The following BPI variants were observed in gnomAD, a reference collection of about 807,000 sequenced individuals.
BPI encodes bactericidal permeability-increasing protein.
BPI carries 48 observed loss-of-function variants against 57.6 expected under a neutral mutation model. The observed-to-expected ratio is 0.83, with a 90% CI of 0.66 to 1.06. The LOEUF (loss-of-function observed/expected upper bound fraction) is 1.06, where lower values mean the gene tolerates loss of function less well. Among genes scored for constraint, BPI ranks in the 50% least tolerant of loss-of-function variants. The pLI is 0.00. For synonymous variants in BPI, 237 were observed against 238.2 expected (o/e 0.99, Z 0.05); for missense variants, 651 against 609.7 (o/e 1.07, Z -0.71).
chr20:38,327,637 G>C lies in BPI; in HGVS notation c.1211G>C (p.Gly404Ala). 1 of 1,613,714 alleles carries C rather than the reference G, an allele frequency of 6.2e-7. No individual in the cohort carries two copies. The highest frequency in any genetic ancestry group is 8.5e-7 in the Non-Finnish European group (1 of 1,179,752). Residue 404 changes from glycine to alanine, a missense_variant, in exon 11 of 15, where the codon GGA (glycine) becomes GCA (alanine). Coordinates refer to ENST00000642449, the MANE Select transcript of BPI (RefSeq NM_001725.3). ...AGCGCCGAGTCCAACAGGCTTGTTG[G>C]AGAGCTCAAGCTGGATAGGTAAGTG... is the stretch of plus-strand genomic sequence containing the variant. ...EVSAESNRLV[G>A]ELKLDRLLLE...
At chr20:38,328,766 G>C (rs1209990246) in intron 11 of BPI, among the ~76,000 whole-genome samples, 1 of 152,076 alleles carries the variant, frequency 6.6e-6, no homozygotes, top group African/African-American at 2.4e-5. Context: ...GGAGGCCATG[G>C]TGGGAGGATC....
Position 38,324,009 on chromosome 20 carries a change from A to G in BPI, c.896A>G (p.Glu299Gly). The change falls in exon 8 of 15, where the codon GAG (glutamate) becomes GGG (glycine). Residue 299 changes from glutamate to glycine, a missense_variant. Coordinates refer to ENST00000642449, the MANE Select transcript of BPI (RefSeq NM_001725.3). Reference protein sequence around the residue: ...FFNTAGLVYQEAGVLKMTLRD... With the variant: ...FFNTAGLVYQGAGVLKMTLRD... ...AACACAGCCGGGCTTGTATACCAAG[A>G]GGCTGGGGTCTTGAAGATGACCCTT... 1 of 1,614,110 alleles carries G rather than the reference A, an allele frequency of 6.2e-7. No homozygotes were observed. Among genetic ancestry groups the G allele is most frequent in the Non-Finnish European group, 8.5e-7 (1 of 1,180,030 alleles).
At chr20:38,309,268 G>A (rs2076611001) in intron 3 of BPI, among the ~76,000 whole-genome samples, 1 of 152,200 alleles carries the variant, frequency 6.6e-6, no homozygotes, top group Non-Finnish European at 1.5e-5. Context: ...GCAGGATACT[G>A]GCGAGGCTGA....
rs1281070440 is a variant in BPI at position 38,309,050 on chromosome 20, G to C, written c.366G>C (p.Lys122Asn). Residue 122 changes from lysine to asparagine, a missense_variant, in exon 3 of 15, where the codon AAG becomes AAC. Coordinates refer to ENST00000642449, the MANE Select transcript of BPI (RefSeq NM_001725.3). ...TCAGCGGGAAATGGAAGGCACAAAA[G>C]AGATTCTTGTGCGTTTCCATGCTTG... is the stretch of plus-strand genomic sequence containing the variant. The part of the protein sequence containing the change: ...IKISGKWKAQ[K>N]RFLKMSGNFD... 6.2e-7 allele frequency: 1 copy of C among 1,614,066 alleles called. No individual in the cohort carries two copies. The highest frequency in any genetic ancestry group is 8.5e-7 in the Non-Finnish European group (1 of 1,180,012).
chr20:38,330,331 A>G (rs764225377), intron 11 of BPI, among the ~76,000 whole-genome samples: 10 of 152,130 alleles, frequency 6.6e-5, no homozygotes, highest in Admixed American at 2.0e-4. Flanking sequence ...ATGTTTCCTC[A>G]TCTGTAAAAA....
intron 5 of BPI, among the ~76,000 whole-genome samples, chr20:38,315,217 T>C (rs2076646500): frequency 1.3e-5 from 2 of 152,314 alleles, no homozygotes; most frequent in Middle Eastern, 3.4e-3. Context: ...TAATAGTGCT[T>C]GGATTCAAAT....
intron 8 of BPI, among the ~76,000 whole-genome samples, chr20:38,324,537 A>T (rs2076702379): frequency 6.6e-6 from 1 of 152,148 alleles, no homozygotes; most frequent in African/African-American, 2.4e-5. Context: ...TCAGGAGCAA[A>T]AAACAAGCAG....
At chr20:38,315,046 T>C (rs1265866865) in intron 5 of BPI, among the ~76,000 whole-genome samples, 4 of 152,132 alleles carry the variant, frequency 2.6e-5, no homozygotes, top group Non-Finnish European at 5.9e-5. Context: ...TTGGCCCATA[T>C]AATATACTGA....
At chr20:38,335,523 G>A (rs754576600) in intron 13 of BPI, 75 bp from the exon 14 acceptor site, 10 of 1,373,834 alleles carry the variant, frequency 7.3e-6, no homozygotes, top group Non-Finnish European at 9.3e-6. Flanking sequence ...TGTCTACCCA[G>A]GCTCTCTGGC....
intron 6 of BPI, among the ~76,000 whole-genome samples, chr20:38,318,961 G>T (rs1324599300): frequency 6.6e-6 from 1 of 152,158 alleles, no homozygotes; most frequent in African/African-American, 2.4e-5. Context: ...GGAGTAACCT[G>T]GCCGGGGTCA....
At chr20:38,323,310 A>T (rs915459206) in intron 7 of BPI, among the ~76,000 whole-genome samples, 1 of 152,182 alleles carries the variant, frequency 6.6e-6, no homozygotes, top group Non-Finnish European at 1.5e-5. Flanking sequence ...TTTGCAACAT[A>T]TTGCCAAATT....
chr20:38,323,451 G>A (rs1485935700), intron 7 of BPI, among the ~76,000 whole-genome samples: 3 of 152,178 alleles, frequency 2.0e-5, no homozygotes, highest in Non-Finnish European at 4.4e-5. Flanking sequence ...TAAGTTTACC[G>A]ACGAAACAAA....
rs981216855 is a variant in BPI, at chr20:38,326,557, G to A, written c.1161+125G>A. 8.2e-6 allele frequency: 10 copies of A among 1,212,804 alleles called. No individual in the cohort carries two copies. In the Admixed American group the frequency reaches 1.4e-4, roughly 16 times the overall value. 75.1% of individuals were successfully genotyped at this position (1,212,804 alleles called of 1,614,324 possible). On this transcript the variant is annotated intron_variant, in intron 10 of 14. Coordinates refer to ENST00000642449, the MANE Select transcript of BPI (RefSeq NM_001725.3). ...CCTGGACTGTGTCACTCCGGAGCCT[G>A]AGGCTTGAGTCACTGTACTCAATGG...
At chr20:38,308,905 TG>T in intron 2 of BPI, 24 bp from the exon 3 acceptor site, 1 of 1,613,888 alleles carries the variant, frequency 6.2e-7, no homozygotes, top group Non-Finnish European at 8.5e-7. Flanking sequence ...TGAAATTATA[TG>T]ACATTCACAT....
chr20:38,312,675 G>A lies in BPI; in HGVS notation c.600+738G>A, dbSNP rs187304247. Among the ~76,000 whole-genome samples the A allele has an allele frequency of 1.0e-3, 152 of 152,318 alleles. 1 individual carries two copies. Among genetic ancestry groups the A allele is most frequent in the Non-Finnish European group, 1.9e-3 (131 of 68,024 alleles). ...CCTGTCCACTGTGGGAATGACTGGA[G>A]GGGCCAGGAGTAGGAGCAAGGAGAC... On this transcript the variant is annotated intron_variant, in intron 5 of 14. Transcript: ENST00000642449.
chr20:38,337,433 C>A lies in BPI; in HGVS notation c.*249C>A, dbSNP rs939855298. The A allele has an allele frequency of 2.9e-5, 11 of 374,688 alleles. No individual in the cohort carries two copies. Among genetic ancestry groups the A allele is most frequent in the African/African-American group, 1.3e-4 (6 of 47,634 alleles). The allele number at this position is 374,688 out of a possible 1,614,324, so 23.2% of individuals were successfully genotyped here. A position where few individuals can be genotyped will look rare whatever the true frequency, so the allele number is the denominator to read the frequency against. On this transcript the variant is annotated 3_prime_UTR_variant, in exon 15 of 15. Coordinates refer to ENST00000642449, the MANE Select transcript of BPI (RefSeq NM_001725.3). ...CTGCAGAGATATTTCCTCCAGGAATCGTGTTTCAATTGTAACCAAGAAATT... is the reference window on the plus strand; with the variant it reads ...CTGCAGAGATATTTCCTCCAGGAATAGTGTTTCAATTGTAACCAAGAAATT...
At chr20:38,323,783 G>A in intron 7 of BPI, 87 bp from the exon 8 acceptor site, 1 of 1,429,202 alleles carries the variant, frequency 7.0e-7, no homozygotes. Context: ...TACAATTGGT[G>A]TCTTCAGTCC....
intron 7 of BPI, among the ~76,000 whole-genome samples, chr20:38,322,532 G>A (rs1052050804): frequency 6.6e-6 from 1 of 152,132 alleles, no homozygotes; most frequent in Admixed American, 6.5e-5. Context: ...TACATGAATG[G>A]ATACACACTG....
At chr20:38,329,949 T>C (rs1354870133) in intron 11 of BPI, among the ~76,000 whole-genome samples, 1 of 152,090 alleles carries the variant, frequency 6.6e-6, no homozygotes, top group Non-Finnish European at 1.5e-5. Context: ...TGACTTCAAG[T>C]GATCTGCCTG....
Sources: allele counts gnomAD v4.1 joint callset (sites outside exome capture counted in the v4.1 genomes callset), GRCh38; gene constraint gnomAD v4.1.1; transcripts MANE v1.5; gene names NCBI Gene and HGNC (gene_info 2026-07-23, HGNC 2026-07-21).